PARD3: variants seen among roughly 807,000 people sequenced by gnomAD.
The protein encoded by PARD3 is par-3 family cell polarity regulator.
PARD3 carries 75 observed loss-of-function variants against 155.4 expected under a neutral mutation model. The ratio of observed to expected loss-of-function variants is 0.48; its 90% CI spans 0.40 to 0.58. The LOEUF (loss-of-function observed/expected upper bound fraction) is 0.58. PARD3 is among the 20% of genes least tolerant of loss of function. PARD3 has a pLI of 0.00. For synonymous variants in PARD3, 576 were observed against 610.5 expected (o/e 0.94, Z 0.83); for missense variants, 1,642 against 1,721.7 (o/e 0.95, Z 0.82).
chr10:34,574,212 G>C, intron 2 of PARD3, among the ~76,000 whole-genome samples: 1 of 152,090 alleles, frequency 6.6e-6, no homozygotes, highest in Non-Finnish European at 1.5e-5. Context: ...ATAAAAAGGG[G>C]ACACTGGACT....
At chr10:34,285,604 G>C (rs1285357804) in intron 20 of PARD3, among the ~76,000 whole-genome samples, 1 of 151,758 alleles carries the variant, frequency 6.6e-6, no homozygotes, top group Non-Finnish European at 1.5e-5. Context: ...AAGAAACAGA[G>C]AGGAGAAAAG....
intron 4 of PARD3, among the ~76,000 whole-genome samples, chr10:34,459,407 G>A (rs890400800): frequency 4.6e-5 from 7 of 152,048 alleles, no homozygotes; most frequent in South Asian, 2.1e-4. Flanking sequence ...TCCTGACCTC[G>A]TGATCCGCCC....
intron 9 of PARD3, among the ~76,000 whole-genome samples, chr10:34,379,946 TAA>T (rs925137540): frequency 3.3e-5 from 5 of 152,096 alleles, no homozygotes; most frequent in African/African-American, 2.4e-5. Flanking sequence ...TTTTTTGTAC[TAA>T]GAGTTGATTC....
chr10:34,765,177 T>C (rs1837930590), intron 1 of PARD3, among the ~76,000 whole-genome samples: 2 of 152,106 alleles, frequency 1.3e-5, no homozygotes, highest in Non-Finnish European at 2.9e-5. Context: ...CTTTATCCAA[T>C]ACTTCCGTCC....
intron 1 of PARD3, among the ~76,000 whole-genome samples, chr10:34,753,762 A>T (rs1836349422): frequency 6.6e-6 from 1 of 152,178 alleles, no homozygotes; most frequent in Non-Finnish European, 1.5e-5. Flanking sequence ...AAATCCAGCC[A>T]TGGAGAGAAG....
intron 2 of PARD3, among the ~76,000 whole-genome samples, chr10:34,555,860 T>C (rs2084940601): frequency 6.6e-6 from 1 of 152,052 alleles, no homozygotes; most frequent in Non-Finnish European, 1.5e-5. Context: ...CCACCTTCAT[T>C]GTCATCACCC....
intron 7 of PARD3, among the ~76,000 whole-genome samples, chr10:34,390,002 T>C (rs149176982): frequency 6.8e-4 from 103 of 152,358 alleles, no homozygotes; most frequent in African/African-American, 2.3e-3. Context: ...AACCAATGCG[T>C]ATGTTATAGT....
chr10:34,593,697 G>A (rs2088944642), intron 2 of PARD3, among the ~76,000 whole-genome samples: 1 of 152,210 alleles, frequency 6.6e-6, no homozygotes, highest in Non-Finnish European at 1.5e-5. Flanking sequence ...AGATTACCCA[G>A]ACAGGGGAAC....
intron 22 of PARD3, among the ~76,000 whole-genome samples, chr10:34,168,054 TTTTTC>T (rs936591790): frequency 6.6e-6 from 1 of 152,110 alleles, no homozygotes; most frequent in African/African-American, 2.4e-5. Context: ...TAATATGGTT[TTTTTC>T]TTTTCTTCTT....
intron 2 of PARD3, among the ~76,000 whole-genome samples, chr10:34,596,236 C>CT (rs397844990): frequency 0.33 from 48,775 of 147,530 alleles, 8,000 homozygotes; most frequent in East Asian, 0.42. Context: ...CAAATTTTTA[C>CT]TTTTTTTTTT....
intron 23 of PARD3, among the ~76,000 whole-genome samples, chr10:34,128,392 A>AT (rs1947403656): frequency 6.6e-6 from 1 of 152,154 alleles, no homozygotes; most frequent in African/African-American, 2.4e-5. Context: ...CTTCTTTATG[A>AT]TTTTCTTAAT....
intron 1 of PARD3, among the ~76,000 whole-genome samples, chr10:34,714,938 C>T (rs2094497997): frequency 6.6e-6 from 1 of 151,844 alleles, no homozygotes; most frequent in Admixed American, 6.6e-5. Context: ...CCACAGCCAG[C>T]TAATTTTGTA....
At chr10:34,379,284 A>C (rs1276360611) in intron 9 of PARD3, among the ~76,000 whole-genome samples, 1 of 152,186 alleles carries the variant, frequency 6.6e-6, no homozygotes, top group Non-Finnish European at 1.5e-5. Flanking sequence ...GGAGAAATAA[A>C]GAAAACACTC....
intron 2 of PARD3, among the ~76,000 whole-genome samples, chr10:34,569,749 C>T (rs1196209755): frequency 6.6e-6 from 1 of 151,822 alleles, no homozygotes; most frequent in Non-Finnish European, 1.5e-5. Context: ...AAAAAGTGGA[C>T]ATAAGTCAGC....
Position 34,360,182 on chromosome 10 carries a change from A to G in PARD3, c.1785T>C (p.Asp595=). The change falls in exon 13 of 25, where the codon GAT becomes GAC. Residue 595 remains aspartate (D), a synonymous_variant. Coordinates refer to ENST00000374788, the MANE Select transcript of PARD3 (RefSeq NM_001184785.2). The part of the protein sequence containing the change: ...EFLTFEVPLN[D]SGSAGLGVSV... ...TGACACCAAGGCCTGCAGATCCTGA[A>G]TCATTAAGTGGGACTTCAAATGTCA... The G allele has an allele frequency of 6.2e-7, 1 of 1,613,878 alleles. No homozygotes were observed. The highest frequency in any genetic ancestry group is 8.5e-7 in the Non-Finnish European group (1 of 1,179,736).
intron 1 of PARD3, among the ~76,000 whole-genome samples, chr10:34,747,993 C>G (rs1835515385): frequency 6.6e-6 from 1 of 152,158 alleles, no homozygotes; most frequent in South Asian, 2.1e-4. Flanking sequence ...CCCAGGCAGC[C>G]ATGGAGCAGA....
chr10:34,700,759 G>A (rs2094259529), intron 1 of PARD3, among the ~76,000 whole-genome samples: 1 of 152,130 alleles, frequency 6.6e-6, no homozygotes, highest in Non-Finnish European at 1.5e-5. Context: ...GTCACCTGAG[G>A]TCAGGAGTTA....
chr10:34,219,610 T>C (rs1440735197), intron 22 of PARD3, among the ~76,000 whole-genome samples: 1 of 152,208 alleles, frequency 6.6e-6, no homozygotes, highest in Non-Finnish European at 1.5e-5. Flanking sequence ...CCTCCTGAGA[T>C]GTAAAATTTC....
At chr10:34,814,727 G>A in intron 1 of PARD3, 149 bp downstream of exon 1, 1 of 641,012 alleles carries the variant, frequency 1.6e-6, no homozygotes, top group Non-Finnish European at 2.4e-6. Context: ...CCGCAGTCCG[G>A]GGCGGGGGGC....
Sources: allele counts gnomAD v4.1 joint callset (sites outside exome capture counted in the v4.1 genomes callset), GRCh38; gene constraint gnomAD v4.1.1; transcripts MANE v1.5; gene names NCBI Gene and HGNC (gene_info 2026-07-23, HGNC 2026-07-21).